The following MMS22L variants were observed in gnomAD, a reference collection of about 807,000 sequenced individuals.
The protein encoded by MMS22L is MMS22 like, DNA repair protein, also known as protein MMS22-like.
Under a neutral mutation model 159.1 loss-of-function variants are expected in MMS22L, and 74 were observed. The ratio of observed to expected loss-of-function variants is 0.47; its 90% confidence interval spans 0.39 to 0.56. The LOEUF is 0.56. Ranked by LOEUF, MMS22L falls within the 20% of genes least tolerant of loss-of-function variation. The pLI is 0.00. For synonymous variants in MMS22L, 517 were observed against 506.9 expected, an observed-to-expected ratio of 1.02 and a Z score of -0.27; for missense variants, 1,351 against 1,422.1, an observed-to-expected ratio of 0.95 and a Z score of 0.80.
intron 14 of MMS22L, among the ~76,000 whole-genome samples, chr6:97,215,110 ATATATT>A (rs1415908036): frequency 2.4e-4 from 20 of 81,854 alleles, no homozygotes; most frequent in African/African-American, 6.8e-4. Context: ...ATATATATAT[ATATATT>A]TTTTTTTTGC....
intron 14 of MMS22L, among the ~76,000 whole-genome samples, chr6:97,205,839 C>T (rs1250631023): frequency 2.0e-5 from 3 of 152,040 alleles, no homozygotes; most frequent in Non-Finnish European, 4.4e-5. Context: ...ATAAAATGGT[C>T]CCATTTAAGA....
chr6:97,267,059 T>G (rs1207790341), intron 8 of MMS22L: 1 of 152,176 alleles, frequency 6.6e-6, no homozygotes, highest in South Asian at 2.1e-4. Context: ...CTACACTGTA[T>G]ACACATATCA....
chr6:97,224,378 T>G, intron 14 of MMS22L, among the ~76,000 whole-genome samples: 1 of 152,260 alleles, frequency 6.6e-6, no homozygotes, highest in East Asian at 1.9e-4. Context: ...GAAATAACTT[T>G]GGCTTTAATG....
intron 11 of MMS22L, among the ~76,000 whole-genome samples, chr6:97,236,964 A>G (rs1811489411): frequency 6.6e-6 from 1 of 152,152 alleles, no homozygotes; most frequent in Non-Finnish European, 1.5e-5. Flanking sequence ...AAAAAAAAAA[A>G]AGGACTAAAG....
chr6:97,267,834 T>A (rs759406100), intron 8 of MMS22L, 38 bp downstream of exon 8: 1 of 1,547,730 alleles, frequency 6.5e-7, no homozygotes, highest in Non-Finnish European at 8.7e-7. Flanking sequence ...CTGAATACTG[T>A]CTTTAAGTCT....
At chr6:97,174,461 G>C (rs1448354696) in intron 18 of MMS22L, among the ~76,000 whole-genome samples, 1 of 152,110 alleles carries the variant, frequency 6.6e-6, no homozygotes, top group Non-Finnish European at 1.5e-5. Flanking sequence ...AGCCAAGGTT[G>C]AGGGTTTGTA....
In MMS22L at chr6:97,145,979, G is replaced by C. The variant is rs1800911110; in HGVS notation, c.*827C>G. ...AAATGCTAAGTTATAAGAAGCTCTG[G>C]CTAAAGAGCAAGAAGATGGATCAGC... On this transcript the variant is annotated 3_prime_UTR_variant, in exon 25 of 25. Coordinates refer to ENST00000683635, the MANE Select transcript of MMS22L (RefSeq NM_001350599.2). The C allele has an allele frequency of 1.3e-5, 2 of 152,116 alleles. No homozygotes were observed. Among genetic ancestry groups the C allele is most frequent in the South Asian group, 4.1e-4 (2 of 4,822 alleles). 9.4% of individuals were successfully genotyped at this position (152,116 alleles called of 1,614,324 possible). A position where few individuals can be genotyped will look rare whatever the true frequency, so the allele number is the denominator to read the frequency against.
intron 9 of MMS22L, among the ~76,000 whole-genome samples, chr6:97,255,045 C>T (rs1582807859): frequency 6.6e-5 from 10 of 152,030 alleles, no homozygotes; most frequent in Admixed American, 5.2e-4. Flanking sequence ...GTGGCTTCAT[C>T]TGTATTTTGT....
At position 97,162,041 on chromosome 6, in the gene MMS22L, C is replaced by G. The variant is rs750405520; in HGVS notation, c.3346G>C (p.Gly1116Arg). The change falls in exon 22 of 25, where the codon GGC becomes CGC. Residue 1116 changes from glycine to arginine, a missense_variant. Coordinates refer to ENST00000683635, the MANE Select transcript of MMS22L (RefSeq NM_001350599.2). ...ACTAACACCAAGCATTTTAAAATGC[C>G]AGGGAGGAGTAGTTCAACTTCATAA... ...DIYEVELLLP[G>R]ILKCLVLVSE... 2 of 1,611,436 alleles carry G rather than the reference C, an allele frequency of 1.2e-6. No individual in the cohort carries two copies. Among genetic ancestry groups the G allele is most frequent in the African/African-American group, 2.7e-5 (2 of 74,674 alleles).
intron 18 of MMS22L, 132 bp from the exon 19 acceptor site, chr6:97,173,354 C>G: frequency 1.4e-6 from 1 of 708,446 alleles, no homozygotes; most frequent in Non-Finnish European, 2.3e-6. Context: ...CATTTGTAAC[C>G]TTCCAATAAA....
chr6:97,270,040 CT>C, intron 6 of MMS22L, 48 bp from the exon 7 acceptor site: 5 of 1,432,014 alleles, frequency 3.5e-6, no homozygotes, highest in Non-Finnish European at 4.9e-6. Context: ...TAATATTTTA[CT>C]AGGTATTTCA....
chr6:97,249,792 A>G (rs1036218293), intron 10 of MMS22L, among the ~76,000 whole-genome samples: 2 of 132,392 alleles, frequency 1.5e-5, no homozygotes, highest in African/African-American at 5.8e-5. Flanking sequence ...TTTTTGTATC[A>G]TTCTTTATTA....
chr6:97,260,657 G>C (rs1306187357), intron 9 of MMS22L: 1 of 152,130 alleles, frequency 6.6e-6, no homozygotes. Context: ...TTTTATGGTT[G>C]TTTCTGGGGG....
At chr6:97,265,576 G>C (rs745581950) in intron 8 of MMS22L, 4 of 152,076 alleles carry the variant, frequency 2.6e-5, no homozygotes, top group Non-Finnish European at 5.9e-5. Flanking sequence ...GGAAAATCTC[G>C]AGAATGGAAG....
Position 97,178,614 on chromosome 6 carries a change from T to C in MMS22L, c.2537-29A>G, listed in dbSNP as rs780269727. ...TTAAAATAAAATAGTATTTGTTATA[T>C]CAATTTATATAACATACTATATACA... On this transcript the variant is annotated intron_variant, in intron 17 of 24. Transcript: ENST00000683635. The C allele has an allele frequency of 2.4e-6, 3 of 1,233,710 alleles. No homozygotes were observed. The Admixed American group carries it at 6.9e-5, about 28-fold the overall frequency. 76.4% of individuals were successfully genotyped at this position (1,233,710 alleles called of 1,614,324 possible). A position where few individuals can be genotyped will look rare whatever the true frequency, so the allele number is the denominator to read the frequency against.
intron 6 of MMS22L, chr6:97,271,671 T>A (rs1815751956): frequency 6.6e-6 from 1 of 152,140 alleles, no homozygotes; most frequent in Non-Finnish European, 1.5e-5. Flanking sequence ...AACATTTAAT[T>A]CTACTTATTT....
At chr6:97,165,882 TA>T in intron 20 of MMS22L, among the ~76,000 whole-genome samples, 1 of 152,270 alleles carries the variant, frequency 6.6e-6, no homozygotes, top group East Asian at 1.9e-4. Context: ...TCTTCCATGC[TA>T]AAAATCTGAT....
At chr6:97,172,900 T>C (rs536718667) in intron 19 of MMS22L, among the ~76,000 whole-genome samples, 163 bp downstream of exon 19, 37 of 152,300 alleles carry the variant, frequency 2.4e-4, no homozygotes, top group African/African-American at 8.7e-4. Context: ...AGAGATACAT[T>C]TGAAGGCCAA....
rs1407186677 is a variant in MMS22L at position 97,273,358 on chromosome 6, A to G, written c.341-296T>C. Reference sequence around the variant, plus strand: ...AGATAATGAGTCTTCTTTCTTCCTCATGTATCCTTTGTCCTACCTCTTTTA... The same window carrying G: ...AGATAATGAGTCTTCTTTCTTCCTCGTGTATCCTTTGTCCTACCTCTTTTA... On this transcript the variant is annotated intron_variant, in intron 4 of 24. Transcript: ENST00000683635. 5.9e-5 allele frequency among the ~76,000 whole-genome samples: 9 copies of G among 152,062 alleles called. No individual in the cohort carries two copies. In the South Asian group the frequency reaches 1.9e-3, roughly 32 times the overall value.
Sources: allele counts gnomAD v4.1 joint callset (sites outside exome capture counted in the v4.1 genomes callset), GRCh38; gene constraint gnomAD v4.1.1; transcripts MANE v1.5; gene names NCBI Gene and HGNC (gene_info 2026-07-23, HGNC 2026-07-21).